Variants in SLC12A6 observed in about 807,000 individuals in gnomAD.
SLC12A6 encodes K-Cl cotransporter 3.
In SLC12A6, 66 loss-of-function variants were observed where a neutral mutation model predicts 135.3. The observed-to-expected ratio is 0.49, with a 90% confidence interval of 0.40 to 0.60. SLC12A6 has a LOEUF of 0.60. Among genes scored for constraint, SLC12A6 ranks in the 20% least tolerant of loss-of-function variants. The probability of loss-of-function intolerance (pLI) is 0.00; values close to 1 mark genes in which losing one functional copy is unlikely to be tolerated. For missense variants in SLC12A6, 1,058 were observed against 1,452.3 expected (o/e 0.73, Z 4.41); for synonymous variants, 513 against 508.8 (o/e 1.01, Z -0.11).
At position 34,231,905 on chromosome 15, in the gene SLC12A6, T is replaced by G. The variant is rs1890977798; in HGVS notation, c.*1976A>C. The G allele has an allele frequency of 6.7e-6, 1 of 149,084 alleles. No individual in the cohort carries two copies. Among genetic ancestry groups the G allele is most frequent in the Admixed American group, 6.7e-5 (1 of 14,886 alleles). The allele number at this position is 149,084 out of a possible 1,614,324, so 9.2% of individuals were successfully genotyped here. On this transcript the variant is annotated 3_prime_UTR_variant, in exon 26 of 26. Coordinates refer to ENST00000354181, the MANE Select transcript of SLC12A6 (RefSeq NM_001365088.1). ...GCACCCGGCCCAAAATTACTCAATT[T>G]CTTAAGCTATATTGAAGGGTTTTCT...
intron 2 of SLC12A6, among the ~76,000 whole-genome samples, chr15:34,315,934 T>A (rs956622928): frequency 1.2e-4 from 18 of 150,472 alleles, no homozygotes; most frequent in Non-Finnish European, 2.1e-4. Flanking sequence ...CGAGACACCA[T>A]CTCAAAAAAA....
chr15:34,239,744 C>G (rs928695035), intron 19 of SLC12A6, among the ~76,000 whole-genome samples: 1 of 27,382 alleles, frequency 3.7e-5, no homozygotes, highest in African/African-American at 1.0e-4. Flanking sequence ...CTCATTTACT[C>G]TTACTCCACC....
chr15:34,300,920 A>G (rs975698021), intron 2 of SLC12A6, among the ~76,000 whole-genome samples: 3 of 152,174 alleles, frequency 2.0e-5, no homozygotes, highest in African/African-American at 7.2e-5. Flanking sequence ...TGACAATTAC[A>G]ACTTCATGTA....
chr15:34,325,373 G>C (rs760314439), intron 2 of SLC12A6, among the ~76,000 whole-genome samples: 26 of 152,162 alleles, frequency 1.7e-4, no homozygotes, highest in Admixed American at 1.1e-3. Flanking sequence ...AGAATTGAAT[G>C]CATCAATTAC....
At chr15:34,306,930 T>G (rs1022823493) in intron 2 of SLC12A6, among the ~76,000 whole-genome samples, 1 of 152,180 alleles carries the variant, frequency 6.6e-6, no homozygotes, top group Non-Finnish European at 1.5e-5. Context: ...ACATACTGTA[T>G]GATTACATTT....
chr15:34,253,720 A>G (rs2705343), intron 9 of SLC12A6, among the ~76,000 whole-genome samples: 26,022 of 152,212 alleles, frequency 0.17, 2,304 homozygotes, highest in East Asian at 0.32. Context: ...CTGTAACAAG[A>G]CTACAAATAA....
chr15:34,325,625 A>C (rs757335048), intron 2 of SLC12A6, among the ~76,000 whole-genome samples: 18 of 152,198 alleles, frequency 1.2e-4, no homozygotes, highest in Middle Eastern at 6.3e-3. Context: ...TTGGTGATTT[A>C]TATATTTATA....
chr15:34,239,040 G>C lies in SLC12A6; in HGVS notation c.2557C>G (p.His853Asp). 1.2e-6 allele frequency: 2 copies of C among 1,614,170 alleles called. No homozygotes were observed. Among genetic ancestry groups the C allele is most frequent in the Non-Finnish European group, 1.7e-6 (2 of 1,180,014 alleles). ...IQSCGLGGMK[H>D]NTVVMGWPNG... ...GGCCAGCCCATCACCACCGTGTTGT[G>C]CTTCATGCCCCCAAGGCCACATGAC... The change falls in exon 20 of 26, where the codon CAC (histidine) becomes GAC (aspartate). Residue 853 changes from histidine (H) to aspartate (D), a missense_variant. Physicochemically the swap from His to Asp is moderately conservative, Grantham distance 81. This residue lies in a region of SLC12A6 where 245 missense variants were observed against 440.8 expected (regional missense o/e 0.56). Coordinates refer to ENST00000354181, the MANE Select transcript of SLC12A6 (RefSeq NM_001365088.1).
intron 13 of SLC12A6, among the ~76,000 whole-genome samples, chr15:34,249,165 T>G (rs917805011): frequency 3.3e-5 from 5 of 152,152 alleles, no homozygotes; most frequent in African/African-American, 1.2e-4. Context: ...GGGAGATTAT[T>G]ACAATAACAT....
At chr15:34,268,635 G>C (rs1360407974) in intron 3 of SLC12A6, among the ~76,000 whole-genome samples, 1 of 152,160 alleles carries the variant, frequency 6.6e-6, no homozygotes, top group Non-Finnish European at 1.5e-5. Context: ...TTAGGTCACT[G>C]TTGTGACCCC....
At position 34,245,717 on chromosome 15, in the gene SLC12A6, C is replaced by T. The variant is rs780498175; in HGVS notation, c.1800G>A (p.Lys600=). 2 of 1,613,876 alleles carry T rather than the reference C, an allele frequency of 1.2e-6. No homozygotes were observed. Among genetic ancestry groups the T allele is most frequent in the Admixed American group, 1.7e-5 (1 of 60,008 alleles). ...CCCTCAGAAACGGTATGATGTTATC[C>T]TTGGCAATAGCTTGTAGCAGCCTCG... ...GAPRLLQAIA[K]DNIIPFLRVF... The change falls in exon 14 of 26, where the codon AAG becomes AAA. Residue 600 remains lysine (K), a synonymous_variant. Transcript: ENST00000354181.
chr15:34,269,982 A>G (rs1893803970), intron 3 of SLC12A6, among the ~76,000 whole-genome samples: 5 of 148,920 alleles, frequency 3.4e-5, no homozygotes, highest in African/African-American at 1.3e-4. Context: ...TATTAGCTAG[A>G]ATACCTCTAT....
intron 2 of SLC12A6, among the ~76,000 whole-genome samples, chr15:34,331,757 C>T (rs1456546360): frequency 6.6e-6 from 1 of 151,902 alleles, no homozygotes; most frequent in Admixed American, 6.6e-5. Context: ...ACAAAAAGAG[C>T]CTGGTTTATT....
At chr15:34,286,159 C>T (rs186668607) in intron 2 of SLC12A6, among the ~76,000 whole-genome samples, 38 of 152,038 alleles carry the variant, frequency 2.5e-4, no homozygotes, top group African/African-American at 8.0e-4. Context: ...CTGCAACCGC[C>T]GCCTCCCGGG....
At chr15:34,336,266 TA>T in intron 2 of SLC12A6, 143 bp downstream of exon 2, 1 of 738,326 alleles carries the variant, frequency 1.4e-6, no homozygotes, top group Non-Finnish European at 2.4e-6. Flanking sequence ...AAAGAGTTCC[TA>T]AGCATCTCAC....
In SLC12A6 at chr15:34,337,044, C is replaced by A. The variant is rs190976410; in HGVS notation, c.-73+288G>T. 510 of 337,362 alleles carry A rather than the reference C, an allele frequency of 1.5e-3. 1 individual carries two copies. The highest frequency in any genetic ancestry group is 0.01 in the African/African-American group (484 of 46,486). 20.9% of individuals were successfully genotyped at this position (337,362 alleles called of 1,614,324 possible). ...CATGGTCTCAGGGCAGCAGATGAAG[C>A]CTCCCTCCCCTCAGCCCCCAGTTTC... On this transcript the variant is annotated intron_variant, in intron 1 of 25. Transcript: ENST00000354181.
Position 34,233,849 on chromosome 15 carries a change from A to C in SLC12A6, c.*32T>G. 1 of 1,229,206 alleles carries C rather than the reference A, an allele frequency of 8.1e-7. No individual in the cohort carries two copies. 76.1% of individuals were successfully genotyped at this position (1,229,206 alleles called of 1,614,324 possible). On this transcript the variant is annotated 3_prime_UTR_variant, in exon 26 of 26. Transcript: ENST00000354181. ...CCATGGAGGACGTAGGCCTTTTAAG[A>C]AAACAGGTCAAGCACGGTCATTCAG...
chr15:34,336,128 CA>C (rs924910642), intron 2 of SLC12A6, among the ~76,000 whole-genome samples: 77 of 152,068 alleles, frequency 5.1e-4, no homozygotes, highest in African/African-American at 1.8e-3. Flanking sequence ...CACTTTTAAC[CA>C]AAATACCCAT....
chr15:34,309,123 A>G (rs1199395548), intron 2 of SLC12A6, among the ~76,000 whole-genome samples: 2 of 152,204 alleles, frequency 1.3e-5, no homozygotes, highest in Non-Finnish European at 2.9e-5. Flanking sequence ...GCTACTCACC[A>G]TGCTCAACAA....
Sources: gnomAD v4.1 joint callset for allele counts (sites outside exome capture counted in the v4.1 genomes callset) on GRCh38, gnomAD v4.1.1 for gene constraint, gnomAD v4.1.1 regional missense constraint, MANE v1.5 for transcripts, NCBI Gene and HGNC (gene_info 2026-07-23, HGNC 2026-07-21) for gene names.